The following RALGPS1 variants were observed in gnomAD, a reference collection of about 807,000 sequenced individuals.
The protein encoded by RALGPS1 is ras-specific guanine nucleotide-releasing factor RalGPS1.
In RALGPS1, 19 loss-of-function variants were observed where a neutral mutation model predicts 78.8. The ratio of observed to expected loss-of-function variants is 0.24; its 90% CI spans 0.17 to 0.35. The LOEUF is 0.35. Among genes scored for constraint, RALGPS1 ranks in the 10% least tolerant of loss-of-function variants. The probability of loss-of-function intolerance (pLI) is 1.00; values close to 1 mark genes in which losing one functional copy is unlikely to be tolerated. For missense variants in RALGPS1, 454 were observed against 688.3 expected (o/e 0.66, Z 3.81); for synonymous variants, 228 against 256.3 (o/e 0.89, Z 1.06).
rs959732687 is a variant in RALGPS1 at position 127,222,710 on chromosome 9, A to T, written c.*3941A>T. On this transcript the variant is annotated 3_prime_UTR_variant, in exon 19 of 19. Coordinates refer to ENST00000259351, the MANE Select transcript of RALGPS1 (RefSeq NM_014636.3). ...GACTGTGACTATTCAGTAACGAAGT[A>T]ATAGTAATTAATTAGTATGGTATAA... is the stretch of plus-strand genomic sequence containing the variant. The T allele has an allele frequency of 1.3e-5, 2 of 152,692 alleles. No individual in the cohort carries two copies. Among genetic ancestry groups the T allele is most frequent in the African/African-American group, 4.8e-5 (2 of 41,476 alleles). The allele number at this position is 152,692 out of a possible 1,614,324, so 9.5% of individuals were successfully genotyped here. A position where few individuals can be genotyped will look rare whatever the true frequency, so the allele number is the denominator to read the frequency against.
rs1356136404 is a variant in RALGPS1 at position 127,122,625 on chromosome 9, A to T, written c.611-43444A>T. On this transcript the variant is annotated intron_variant, in intron 8 of 18. Coordinates refer to ENST00000259351, the MANE Select transcript of RALGPS1 (RefSeq NM_014636.3). This position sits in a 1 kb window ranked among gnomAD's most constrained non-coding sequence, Gnocchi z 6.4. ...GGTCCATCCTCAGGCCGTCCGCAGC[A>T]GCCTCATTTGAACTCCCAACTCCTT... 1 of 152,700 alleles carries T rather than the reference A, an allele frequency of 6.5e-6. No homozygotes were observed. The highest frequency in any genetic ancestry group is 2.4e-5 in the African/African-American group (1 of 41,454). The allele number at this position is 152,700 out of a possible 1,614,324, so 9.5% of individuals were successfully genotyped here.
Position 127,052,753 on chromosome 9 carries a change from G to A in RALGPS1, c.391-94G>A, listed in dbSNP as rs967526472. 5.0e-5 allele frequency: 39 copies of A among 787,778 alleles called. 1 individual carries two copies. The Middle Eastern group carries it at 7.0e-4, about 14-fold the overall frequency. 48.8% of individuals were successfully genotyped at this position (787,778 alleles called of 1,614,324 possible). ...ACATGAGATATTTTTAAGTGTAATT[G>A]AATTTCATAAATATGACATTTGGTA... On this transcript the variant is annotated intron_variant, in intron 6 of 18. Transcript: ENST00000259351.
At chr9:127,055,817 A>G (rs571478851) in intron 7 of RALGPS1, among the ~76,000 whole-genome samples, 7 of 152,230 alleles carry the variant, frequency 4.6e-5, no homozygotes, top group African/African-American at 1.4e-4. Context: ...CTTTTGTAAC[A>G]TAAGTATTGC....
chr9:126,936,406 T>G (rs764449844), intron 1 of RALGPS1, among the ~76,000 whole-genome samples: 10 of 152,126 alleles, frequency 6.6e-5, no homozygotes, highest in Non-Finnish European at 1.3e-4. Context: ...TGAAAGTCAA[T>G]GAAGAACTGA....
chr9:127,041,071 A>G (rs962012707), intron 5 of RALGPS1, among the ~76,000 whole-genome samples: 2 of 33,864 alleles, frequency 5.9e-5, no homozygotes, highest in Non-Finnish European at 2.2e-4. Context: ...GTGTGTATGT[A>G]CTAAAGTTTT....
At chr9:127,012,176 C>A (rs908427850) in intron 4 of RALGPS1, among the ~76,000 whole-genome samples, 3 of 152,168 alleles carry the variant, frequency 2.0e-5, no homozygotes, top group African/African-American at 7.2e-5. Flanking sequence ...CAGATTCAGA[C>A]TGGCTTTTTC....
chr9:126,931,926 C>T (rs1269833534), intron 1 of RALGPS1, among the ~76,000 whole-genome samples: 1 of 151,220 alleles, frequency 6.6e-6, no homozygotes, highest in Non-Finnish European at 1.5e-5. Flanking sequence ...GTGTCTGCCT[C>T]AAAGTTGAGT....
chr9:127,111,450 C>T (rs998745530), intron 8 of RALGPS1, among the ~76,000 whole-genome samples: 3 of 152,136 alleles, frequency 2.0e-5, no homozygotes, highest in African/African-American at 7.2e-5. Context: ...TACATAGGAG[C>T]TCAATAAATA....
rs1273872454 is a variant in RALGPS1, at chr9:127,168,850, T to A, written c.842+78T>A. ...AGTGCTCAGGTCCCTGCAAGTGGCC[T>A]AGCCCTTGTTGGGACCAGTGAGTAG... On this transcript the variant is annotated intron_variant, in intron 10 of 18. Transcript: ENST00000259351. The A allele has an allele frequency of 3.5e-5, 43 of 1,242,276 alleles. No homozygotes were observed. In the East Asian group the frequency reaches 7.7e-4, roughly 22 times the overall value. The allele number at this position is 1,242,276 out of a possible 1,614,324, so 77.0% of individuals were successfully genotyped here. A position where few individuals can be genotyped will look rare whatever the true frequency, so the allele number is the denominator to read the frequency against.
chr9:127,076,538 CTT>C (rs1184904923), intron 8 of RALGPS1, among the ~76,000 whole-genome samples: 2 of 152,174 alleles, frequency 1.3e-5, no homozygotes, highest in African/African-American at 4.8e-5. Flanking sequence ...AAAAGTAAGA[CTT>C]TATTTGCAAA....
At chr9:126,966,006 G>A (rs1423845297) in intron 3 of RALGPS1, 55 bp downstream of exon 3, 1 of 1,319,690 alleles carries the variant, frequency 7.6e-7, no homozygotes, top group East Asian at 2.3e-5. Context: ...GGCACTAGAG[G>A]GAGCCACCAC....
chr9:127,138,093 C>T (rs1009513042), intron 8 of RALGPS1, among the ~76,000 whole-genome samples: 2 of 152,182 alleles, frequency 1.3e-5, no homozygotes, highest in African/African-American at 4.8e-5. Context: ...GAGGGCTCGG[C>T]TCTGCAGGGA....
chr9:127,084,643 C>A (rs192134436), intron 8 of RALGPS1, among the ~76,000 whole-genome samples: 1 of 152,272 alleles, frequency 6.6e-6, no homozygotes, highest in East Asian at 1.9e-4. Context: ...ATGAAAACAC[C>A]CCTCTTCCTT....
At chr9:126,976,769 C>G (rs987956407) in intron 3 of RALGPS1, among the ~76,000 whole-genome samples, 2 of 152,208 alleles carry the variant, frequency 1.3e-5, no homozygotes, top group Non-Finnish European at 2.9e-5. Flanking sequence ...TCTCCTCTCC[C>G]TGGCGTGTCA....
intron 4 of RALGPS1, among the ~76,000 whole-genome samples, chr9:127,013,833 C>T (rs905723798): frequency 9.8e-5 from 15 of 152,344 alleles, no homozygotes; most frequent in Non-Finnish European, 1.6e-4. Flanking sequence ...CCCACAGGTC[C>T]TTGAACCTAC....
chr9:127,216,899 C>T, intron 18 of RALGPS1: 3 of 1,538,682 alleles, frequency 1.9e-6, no homozygotes, highest in Admixed American at 2.1e-5. Context: ...TCCCCTACCA[C>T]ACACAGGAAG....
intron 13 of RALGPS1, among the ~76,000 whole-genome samples, chr9:127,197,212 G>A (rs538986788): frequency 6.6e-6 from 1 of 152,340 alleles, no homozygotes; most frequent in African/African-American, 2.4e-5. Context: ...GGGATAAGAA[G>A]AACTTGACAT....
intron 4 of RALGPS1, among the ~76,000 whole-genome samples, chr9:126,987,970 C>T (rs2041956711): frequency 6.6e-6 from 1 of 152,116 alleles, no homozygotes; most frequent in Non-Finnish European, 1.5e-5. Flanking sequence ...AATAAGGAAG[C>T]CAGGAGAACG....
chr9:126,941,166 T>TG (rs57331253), intron 1 of RALGPS1, among the ~76,000 whole-genome samples: 4,039 of 149,340 alleles, frequency 0.027, 145 homozygotes, highest in Admixed American at 0.11. Flanking sequence ...CGTCTAGTTG[T>TG]GGGGGGGGGT....
Sources: gnomAD v4.1 joint callset for allele counts (sites outside exome capture counted in the v4.1 genomes callset) on GRCh38, gnomAD v4.1.1 for gene constraint, Gnocchi (gnomAD v3.1) non-coding constraint, MANE v1.5 for transcripts, NCBI Gene and HGNC (gene_info 2026-07-23, HGNC 2026-07-21) for gene names.